TCAIM: variants seen among roughly 807,000 people sequenced by gnomAD.
TCAIM encodes the protein T-cell activation inhibitor, mitochondrial.
Under a neutral mutation model 58.6 loss-of-function variants are expected in TCAIM, and 36 were observed. That is an observed-to-expected ratio of 0.61 (90% confidence interval 0.47 to 0.81). TCAIM has a LOEUF of 0.81. TCAIM is among the 30% of genes least tolerant of loss of function. The pLI, the probability that TCAIM is intolerant of heterozygous loss-of-function variation, is 0.00. For missense variants in TCAIM, 466 were observed against 579.6 expected (o/e 0.80, Z 2.01); for synonymous variants, 172 against 193.6 (o/e 0.89, Z 0.93).
At chr3:44,346,954 A>T (rs552853291) in intron 1 of TCAIM, among the ~76,000 whole-genome samples, 1 of 152,242 alleles carries the variant, frequency 6.6e-6, no homozygotes, top group African/African-American at 2.4e-5. Context: ...CAGGGAAAGG[A>T]TTTAGGATTT....
intron 10 of TCAIM, among the ~76,000 whole-genome samples, chr3:44,402,744 A>G (rs1412614947): frequency 6.6e-6 from 1 of 152,094 alleles, no homozygotes; most frequent in East Asian, 1.9e-4. Flanking sequence ...GCCAAAGCTG[A>G]CACCCTGGTA....
rs142096426 is a variant in TCAIM, at chr3:44,396,460, A to G, written c.756A>G (p.Leu252=). The G allele has an allele frequency of 3.1e-6, 5 of 1,613,530 alleles. No individual in the cohort carries two copies. The African/African-American group carries it at 5.3e-5, about 17-fold the overall frequency. Residue 252 remains leucine, a synonymous_variant, in exon 7 of 11, where the codon TTA becomes TTG. Transcript: ENST00000342649. ...RCSQLHSLSR[L]AQQNLETLKK... ...GCCAGCTGCATAGTTTAAGCCGCTT[A>G]GCACAGCAGAATTTGGAAACACTTA... is the stretch of plus-strand genomic sequence containing the variant.
chr3:44,367,483 A>G lies in TCAIM; in HGVS notation c.347A>G (p.His116Arg). The G allele has an allele frequency of 6.2e-7, 1 of 1,612,382 alleles. No homozygotes were observed. The highest frequency in any genetic ancestry group is 8.5e-7 in the Non-Finnish European group (1 of 1,178,754). ...SGFRAVKFTL[H>R]TRDLLSTVLY... is the part of the protein sequence containing the mutation. ...TTTCGAGCAGTCAAATTTACTTTGCACACCAGAGATCTGCTAAGCACAGTG... is the reference window on the plus strand; with the variant it reads ...TTTCGAGCAGTCAAATTTACTTTGCGCACCAGAGATCTGCTAAGCACAGTG... The change falls in exon 5 of 11, where the codon CAC becomes CGC. Residue 116 changes from histidine (H) to arginine (R), a missense_variant. By Grantham distance (29) the His-to-Arg change is conservative. Transcript: ENST00000342649.
At chr3:44,386,728 C>T (rs1291120983) in intron 5 of TCAIM, among the ~76,000 whole-genome samples, 1 of 152,248 alleles carries the variant, frequency 6.6e-6, no homozygotes, top group African/African-American at 2.4e-5. Flanking sequence ...TCCCTCCGGA[C>T]TTTGGGCGCT....
chr3:44,354,633 G>T, intron 1 of TCAIM, 106 bp from the exon 2 acceptor site: 1 of 712,236 alleles, frequency 1.4e-6, no homozygotes, highest in Admixed American at 3.1e-5. Context: ...TATTTTATAA[G>T]ATTAATAACT....
chr3:44,371,142 C>T (rs1701462734), intron 5 of TCAIM, among the ~76,000 whole-genome samples: 1 of 151,784 alleles, frequency 6.6e-6, no homozygotes, highest in Non-Finnish European at 1.5e-5. Context: ...GAACTCTTGA[C>T]CTCAGGTGAT....
At chr3:44,369,788 T>C (rs1414134809) in intron 5 of TCAIM, among the ~76,000 whole-genome samples, 1 of 152,240 alleles carries the variant, frequency 6.6e-6, no homozygotes, top group Non-Finnish European at 1.5e-5. Flanking sequence ...ATCTACTTCA[T>C]AGATTCATAG....
At chr3:44,357,445 A>T (rs1021094414) in intron 2 of TCAIM, among the ~76,000 whole-genome samples, 1 of 152,240 alleles carries the variant, frequency 6.6e-6, no homozygotes, top group Non-Finnish European at 1.5e-5. Flanking sequence ...TAAGAAACTT[A>T]TAAAGAAAAT....
intron 4 of TCAIM, among the ~76,000 whole-genome samples, chr3:44,364,077 C>T (rs982837531): frequency 6.6e-4 from 100 of 151,450 alleles, no homozygotes; most frequent in African/African-American, 2.4e-3. Flanking sequence ...TACAGGCAAG[C>T]GCCACAATGC....
At chr3:44,357,545 A>G (rs1701218382) in intron 2 of TCAIM, among the ~76,000 whole-genome samples, 196 bp from the exon 3 acceptor site, 1 of 152,260 alleles carries the variant, frequency 6.6e-6, no homozygotes, top group African/African-American at 2.4e-5. Flanking sequence ...ATTTTGCACC[A>G]GAAAAATTTA....
chr3:44,382,223 G>A (rs1047387333), intron 5 of TCAIM, among the ~76,000 whole-genome samples: 4 of 152,158 alleles, frequency 2.6e-5, no homozygotes, highest in Non-Finnish European at 5.9e-5. Flanking sequence ...AAAACTTACT[G>A]CAAAGCTATA....
In TCAIM at chr3:44,382,858, T is replaced by C. The variant is rs573018342; in HGVS notation, c.573-9997T>C. On this transcript the variant is annotated intron_variant, in intron 5 of 10. Coordinates refer to ENST00000342649, the MANE Select transcript of TCAIM (RefSeq NM_173826.4). ...CTCATATATATGATAAAGGAATTGA[T>C]ATCCAGAATAAATAAAGAACTCCTA... Among the ~76,000 whole-genome samples the C allele has an allele frequency of 2.6e-5, 4 of 152,238 alleles. No individual in the cohort carries two copies. The South Asian group carries it at 6.2e-4, about 24-fold the overall frequency.
At chr3:44,346,644 C>T (rs531552216) in intron 1 of TCAIM, among the ~76,000 whole-genome samples, 2 of 152,084 alleles carry the variant, frequency 1.3e-5, no homozygotes. Context: ...GGCTTGTAAT[C>T]TACATGGAAG....
At chr3:44,377,502 A>G (rs1028728757) in intron 5 of TCAIM, among the ~76,000 whole-genome samples, 4 of 152,240 alleles carry the variant, frequency 2.6e-5, no homozygotes, top group African/African-American at 9.6e-5. Flanking sequence ...GAGGACTTGC[A>G]TAGCACAATT....
chr3:44,358,247 A>C, intron 3 of TCAIM: 1 of 1,484,332 alleles, frequency 6.7e-7, no homozygotes, highest in Non-Finnish European at 9.3e-7. Context: ...TCAATGCCCT[A>C]GTGATTTTTC....
chr3:44,344,933 G>A (rs773883587), intron 1 of TCAIM, among the ~76,000 whole-genome samples: 9 of 152,164 alleles, frequency 5.9e-5, no homozygotes, highest in Non-Finnish European at 1.2e-4. Context: ...ATCAGTTAAA[G>A]CAGGAACCGG....
chr3:44,352,459 G>T (rs1701111268), intron 1 of TCAIM, among the ~76,000 whole-genome samples: 1 of 152,090 alleles, frequency 6.6e-6, no homozygotes, highest in African/African-American at 2.4e-5. Context: ...TCCATAGCTT[G>T]TTTTAAAAAT....
chr3:44,392,890 A>G lies in TCAIM; in HGVS notation c.608A>G (p.Lys203Arg). The change falls in exon 6 of 11, where the codon AAA becomes AGA. Residue 203 changes from lysine to arginine, a missense_variant. By Grantham distance (26) the Lys-to-Arg change is conservative. Coordinates refer to ENST00000342649, the MANE Select transcript of TCAIM (RefSeq NM_173826.4). ...WLDNNGKSAVKKLKNSLPLRK... is the reference protein window; with the variant it reads ...WLDNNGKSAVRKLKNSLPLRK... The stretch of plus-strand genomic sequence containing the variant: ...GATAACAATGGGAAAAGTGCTGTTA[A>G]AAAGCTAAAGAACAGTTTGCCACTT... 1 of 1,613,530 alleles carries G rather than the reference A, an allele frequency of 6.2e-7. No individual in the cohort carries two copies. The highest frequency in any genetic ancestry group is 1.1e-5 in the South Asian group (1 of 91,054).
intron 4 of TCAIM, among the ~76,000 whole-genome samples, chr3:44,364,240 A>T (rs894679784): frequency 1.5e-4 from 21 of 143,728 alleles, no homozygotes; most frequent in African/African-American, 4.8e-4. Flanking sequence ...ACTGTCATTT[A>T]AAAAAAAAAA....
Sources: gnomAD v4.1 joint callset for allele counts (sites outside exome capture counted in the v4.1 genomes callset) on GRCh38, gnomAD v4.1.1 for gene constraint, MANE v1.5 for transcripts, NCBI Gene and HGNC (gene_info 2026-07-23, HGNC 2026-07-21) for gene names.